MEIG1: variants seen among roughly 807,000 people sequenced by gnomAD.
MEIG1 encodes meiosis/spermiogenesis associated 1.
MEIG1 carries 12 observed loss-of-function variants against 11.3 expected under a neutral mutation model. That is an observed-to-expected ratio of 1.07 (90% confidence interval 0.68 to 1.73). MEIG1 has a LOEUF of 1.73. Among genes scored for constraint, MEIG1 ranks in the 40% most tolerant of loss-of-function variants. The pLI is 0.00. For synonymous variants in MEIG1, 41 were observed against 33.2 expected (o/e 1.24, Z -0.81); for missense variants, 119 against 104.9 (o/e 1.13, Z -0.59).
rs142409198 is a variant in MEIG1 at position 14,982,564 on chromosome 10, A to G, written n.67-4232A>G. Among the ~76,000 whole-genome samples the G allele has an allele frequency of 8.2e-3, 1,239 of 151,678 alleles. 13 individuals carry two copies. Among genetic ancestry groups the G allele is most frequent in the African/African-American group, 0.028 (1,170 of 41,262 alleles). ...TATTGTTTTCCCAGTTGAGAAGGTC[A>G]GCAGAGGTGAAGGGCTGGTACACAA... On this transcript the variant is annotated intron_variant and non_coding_transcript_variant, in intron 1 of 2. Transcript: ENST00000467536.
chr10:14,959,847 G>T (rs1245497505), intron 1 of MEIG1, among the ~76,000 whole-genome samples: 1 of 152,216 alleles, frequency 6.6e-6, no homozygotes, highest in East Asian at 1.9e-4. Context: ...CTCCGATTTG[G>T]GCCCTAGATT....
chr10:14,955,308 A>G (rs1842916812), upstream of MEIG1, among the ~76,000 whole-genome samples: 1 of 152,228 alleles, frequency 6.6e-6, no homozygotes, highest in African/African-American at 2.4e-5. Flanking sequence ...TCTGGCGACA[A>G]CATGTTTGCA....
upstream of MEIG1, among the ~76,000 whole-genome samples, chr10:14,958,414 G>C (rs1842973123): frequency 6.6e-6 from 1 of 151,982 alleles, no homozygotes; most frequent in Admixed American, 6.6e-5. Flanking sequence ...GTTTTGTTTG[G>C]GGCAGGTGCC....
chr10:14,960,073 A>G (rs181896913), intron 1 of MEIG1, among the ~76,000 whole-genome samples: 641 of 152,320 alleles, frequency 4.2e-3, no homozygotes, highest in African/African-American at 0.015. Flanking sequence ...TGTCTTTCAA[A>G]TGAACGCCCA....
chr10:14,979,473 C>G (rs982480739), intron 1 of MEIG1, among the ~76,000 whole-genome samples: 74 of 151,914 alleles, frequency 4.9e-4, no homozygotes, highest in African/African-American at 1.8e-3. Flanking sequence ...GTGTGTACAC[C>G]TTCTGATATT....
chr10:14,970,992 C>A (rs1843141819), intron 2 of MEIG1, among the ~76,000 whole-genome samples: 1 of 151,896 alleles, frequency 6.6e-6, no homozygotes, highest in African/African-American at 2.4e-5. Flanking sequence ...ATTAACCTGG[C>A]CAGGAAGGGA....
chr10:14,978,848 T>G (rs4276994), intron 1 of MEIG1, among the ~76,000 whole-genome samples: 56,455 of 151,842 alleles, frequency 0.37, 14,071 homozygotes, highest in African/African-American at 0.71. Flanking sequence ...AGTTTCGTGG[T>G]ATGTTACAAC....
chr10:14,955,184 G>T (rs1275883991), upstream of MEIG1, among the ~76,000 whole-genome samples: 1 of 152,072 alleles, frequency 6.6e-6, no homozygotes, highest in African/African-American at 2.4e-5. Context: ...CGCTCGCCTC[G>T]GCCTCCCAAA....
chr10:14,967,779 T>C (rs1276005822), intron 2 of MEIG1, among the ~76,000 whole-genome samples: 2 of 152,150 alleles, frequency 1.3e-5, no homozygotes, highest in Non-Finnish European at 2.9e-5. Flanking sequence ...GAATAATTGA[T>C]CAACCCAGGA....
At chr10:14,954,291 CAG>C in the MEIG1 span, 1 of 543,988 alleles carries the variant, frequency 1.8e-6, no homozygotes, top group East Asian at 3.3e-5. Context: ...CCAACAAACA[CAG>C]GTGTTGCTCT....
In MEIG1 at chr10:14,982,149, T is replaced by C. The variant is rs553554989; in HGVS notation, n.67-4647T>C. ...TACATATGATAGGCCTCACACAGTC[T>C]CTCGTATAATTGTGCTGGACTTTCT... On this transcript the variant is annotated intron_variant and non_coding_transcript_variant, in intron 1 of 2. Coordinates refer to the MEIG1 transcript ENST00000467536. Among the ~76,000 whole-genome samples, 47 of 152,218 alleles carry C rather than the reference T, an allele frequency of 3.1e-4. 1 individual carries two copies. Among genetic ancestry groups the C allele is most frequent in the African/African-American group, 1.1e-3 (45 of 41,532 alleles).
At chr10:14,974,412 T>G (rs1843188931), downstream of MEIG1, among the ~76,000 whole-genome samples, 1 of 152,108 alleles carries the variant, frequency 6.6e-6, no homozygotes, top group Non-Finnish European at 1.5e-5. Context: ...GGCGGTGTAT[T>G]GTTTTCCCAG....
intron 2 of MEIG1, among the ~76,000 whole-genome samples, chr10:14,970,076 C>T (rs1184241229): frequency 1.3e-5 from 2 of 152,106 alleles, no homozygotes; most frequent in Non-Finnish European, 2.9e-5. Context: ...TCTTCAGGGA[C>T]GGATAGGATG....
chr10:14,974,652 T>G (rs1589213137), downstream of MEIG1, among the ~76,000 whole-genome samples: 1 of 152,110 alleles, frequency 6.6e-6, no homozygotes, highest in African/African-American at 2.4e-5. Context: ...TAATAACTGA[T>G]CATATAATTC....
intron 1 of MEIG1, among the ~76,000 whole-genome samples, chr10:14,962,060 CAGAA>C (rs1457867967): frequency 2.0e-5 from 3 of 152,132 alleles, no homozygotes; most frequent in Admixed American, 6.6e-5. Context: ...TCCTCAGTCT[CAGAA>C]AGAGCTGGGA....
In MEIG1 at chr10:14,966,543, C is replaced by T; in HGVS notation, c.75C>T (p.Tyr25=). The part of the protein sequence containing the change: ...KKWSEEIENL[Y]RFQQAGYRDE... ...GGTCAGAAGAGATAGAAAATCTGTA[C>T]AGATTTCAACAAGCAGGATATCGGG... The change falls in exon 2 of 3, where the codon TAC becomes TAT. Residue 25 remains tyrosine (Y), a synonymous_variant. Transcript: ENST00000407572. 6.2e-7 allele frequency: 1 copy of T among 1,612,326 alleles called. No individual in the cohort carries two copies.
At chr10:14,961,029 CA>C (rs1843006380) in intron 1 of MEIG1, among the ~76,000 whole-genome samples, 1 of 151,932 alleles carries the variant, frequency 6.6e-6, no homozygotes, top group Non-Finnish European at 1.5e-5. Context: ...AACTCCATCT[CA>C]AAAAAATAAT....
chr10:14,985,192 A>G (rs1033657835), intron 1 of MEIG1, among the ~76,000 whole-genome samples: 5 of 151,912 alleles, frequency 3.3e-5, no homozygotes, highest in Non-Finnish European at 7.4e-5. Flanking sequence ...CTCATAAATC[A>G]CTGGGGCCGT....
intron 1 of MEIG1, among the ~76,000 whole-genome samples, chr10:14,980,652 T>C: frequency 6.6e-6 from 1 of 152,124 alleles, no homozygotes; most frequent in Non-Finnish European, 1.5e-5. Context: ...AAGCTCAACC[T>C]ACTGGAGCAA....
Sources: gnomAD v4.1 joint callset for allele counts (sites outside exome capture counted in the v4.1 genomes callset) on GRCh38, gnomAD v4.1.1 for gene constraint, MANE v1.5 for transcripts, NCBI Gene and HGNC (gene_info 2026-07-23, HGNC 2026-07-21) for gene names.